KLHL29: variants seen among roughly 807,000 people sequenced by gnomAD.
The protein encoded by KLHL29 is kelch-like protein 29.
Under a neutral mutation model 80.4 loss-of-function variants are expected in KLHL29, and 21 were observed. The ratio of observed to expected loss-of-function variants is 0.26; its 90% CI spans 0.19 to 0.38. The LOEUF is 0.38. Ranked by LOEUF, KLHL29 falls within the 10% of genes least tolerant of loss-of-function variation. The probability of loss-of-function intolerance (pLI) is 1.00; values close to 1 mark genes in which losing one functional copy is unlikely to be tolerated. For synonymous variants in KLHL29, 511 were observed against 526.8 expected (o/e 0.97, Z 0.41); for missense variants, 867 against 1,223.9 (o/e 0.71, Z 4.35).
At chr2:23,447,143 T>G (rs902891618) in intron 1 of KLHL29, among the ~76,000 whole-genome samples, 1 of 152,250 alleles carries the variant, frequency 6.6e-6, no homozygotes, top group Non-Finnish European at 1.5e-5. Context: ...TGAACACATC[T>G]GCACCTTGAC....
At position 23,696,382 on chromosome 2, in the gene KLHL29, C is replaced by A; in HGVS notation, c.1974C>A (p.Ser658=). 6.4e-7 allele frequency: 1 copy of A among 1,551,628 alleles called. No homozygotes were observed. The highest frequency in any genetic ancestry group is 1.7e-4 in the Middle Eastern group (1 of 5,966). ...VTLADVWCYM[S]LLDNWNLVSR... The stretch of plus-strand genomic sequence containing the variant: ...TGGCTGATGTCTGGTGCTACATGTC[C>A]CTGCTTGATAACTGGAACCTCGTCT... Residue 658 remains serine, a synonymous_variant, in exon 11 of 14, where the codon TCC becomes TCA. Coordinates refer to ENST00000486442, the MANE Select transcript of KLHL29 (RefSeq NM_052920.2). The surrounding 1 kb of genome is among the most constrained non-coding windows in gnomAD (Gnocchi z 5.5).
At chr2:23,642,891 T>C in intron 5 of KLHL29, 41 bp downstream of exon 5, 3 of 1,548,768 alleles carry the variant, frequency 1.9e-6, no homozygotes, top group South Asian at 1.2e-5. Flanking sequence ...GGCCTGCGTC[T>C]GCACCTCCCT....
intron 3 of KLHL29, among the ~76,000 whole-genome samples, chr2:23,626,922 C>A (rs753084105): frequency 6.6e-6 from 1 of 152,152 alleles, no homozygotes; most frequent in Non-Finnish European, 1.5e-5. Context: ...TCTCCAAGGG[C>A]GGGCCAGGCC....
chr2:23,708,096 T>C lies in KLHL29; in HGVS notation c.*1432T>C, dbSNP rs1239484823. On this transcript the variant is annotated 3_prime_UTR_variant, in exon 14 of 14. Coordinates refer to ENST00000486442, the MANE Select transcript of KLHL29 (RefSeq NM_052920.2). ...TGCCATCGTTTCATGATAACAACCATTTATAAGAGAAAAAGACAGGACACG... is the reference window on the plus strand; with the variant it reads ...TGCCATCGTTTCATGATAACAACCACTTATAAGAGAAAAAGACAGGACACG... 1.3e-5 allele frequency: 2 copies of C among 152,202 alleles called. No homozygotes were observed. The highest frequency in any genetic ancestry group is 3.9e-4 in the East Asian group (2 of 5,192). The allele number at this position is 152,202 out of a possible 1,614,324, so 9.4% of individuals were successfully genotyped here. A position where few individuals can be genotyped will look rare whatever the true frequency, so the allele number is the denominator to read the frequency against.
chr2:23,569,188 G>C (rs7568390), intron 3 of KLHL29, among the ~76,000 whole-genome samples: 2 of 152,192 alleles, frequency 1.3e-5, no homozygotes, highest in African/African-American at 4.8e-5. Context: ...GGCCACCTTC[G>C]GGGACTTTGA....
intron 1 of KLHL29, among the ~76,000 whole-genome samples, chr2:23,441,332 G>C (rs1425031896): frequency 1.7e-5 from 1 of 57,622 alleles, no homozygotes; most frequent in Non-Finnish European, 3.6e-5. Flanking sequence ...ACTGTGGCGG[G>C]GTGGGGGGAG....
rs1665522289 is a variant in KLHL29 at position 23,503,862 on chromosome 2, C to G, written c.-46+28195C>G. Among the ~76,000 whole-genome samples, 1 of 152,242 alleles carries G rather than the reference C, an allele frequency of 6.6e-6. No homozygotes were observed. Among genetic ancestry groups the G allele is most frequent in the African/African-American group, 2.4e-5 (1 of 41,462 alleles). On this transcript the variant is annotated intron_variant, in intron 2 of 13. Transcript: ENST00000486442. The surrounding 1 kb of genome is among the most constrained non-coding windows in gnomAD (Gnocchi z 4.0). ...GTCTTTGTTTAAAGAGAGGCGGAGG[C>G]AGACCCCAGGCATTCAAATGATAGA...
intron 5 of KLHL29, among the ~76,000 whole-genome samples, chr2:23,670,563 C>A (rs1006781798): frequency 6.6e-6 from 1 of 152,164 alleles, no homozygotes; most frequent in East Asian, 1.9e-4. Flanking sequence ...GACTCCCTGA[C>A]TCTGTGCCAG....
intron 2 of KLHL29, among the ~76,000 whole-genome samples, chr2:23,543,344 G>A (rs1291662580): frequency 6.6e-6 from 1 of 152,150 alleles, no homozygotes; most frequent in Admixed American, 6.5e-5. Context: ...CAGCGCCGGC[G>A]ACCTCTGCCA....
At chr2:23,670,437 G>C (rs1206632546) in intron 5 of KLHL29, among the ~76,000 whole-genome samples, 1 of 152,098 alleles carries the variant, frequency 6.6e-6, no homozygotes, top group Non-Finnish European at 1.5e-5. Context: ...CACCGTGCCT[G>C]CTACACAGGG....
intron 1 of KLHL29, among the ~76,000 whole-genome samples, chr2:23,420,995 C>T (rs1415148225): frequency 6.6e-6 from 1 of 152,194 alleles, no homozygotes; most frequent in Non-Finnish European, 1.5e-5. Flanking sequence ...AGGCCAGGGG[C>T]TTTCATTAAC....
intron 2 of KLHL29, among the ~76,000 whole-genome samples, chr2:23,540,575 G>A (rs975657405): frequency 2.0e-5 from 3 of 152,168 alleles, no homozygotes; most frequent in African/African-American, 2.4e-5. Context: ...GCAGAACTTG[G>A]CACTTCTCTG....
intron 2 of KLHL29, among the ~76,000 whole-genome samples, chr2:23,484,959 G>A (rs1664889671): frequency 6.6e-6 from 1 of 152,140 alleles, no homozygotes; most frequent in African/African-American, 2.4e-5. Context: ...AAGAGCTCCA[G>A]GGCCGCCCCC....
At chr2:23,404,714 C>CA (rs1358229916) in intron 1 of KLHL29, among the ~76,000 whole-genome samples, 2 of 152,228 alleles carry the variant, frequency 1.3e-5, no homozygotes, top group African/African-American at 4.8e-5. Context: ...TTAATACGTC[C>CA]TGCCGAGCCT....
At chr2:23,438,641 T>G (rs939458821) in intron 1 of KLHL29, among the ~76,000 whole-genome samples, 2 of 149,456 alleles carry the variant, frequency 1.3e-5, no homozygotes, top group African/African-American at 5.0e-5. Flanking sequence ...TGAACCAGCC[T>G]TGCATCCCAG....
At chr2:23,645,752 C>G (rs758482581) in intron 5 of KLHL29, among the ~76,000 whole-genome samples, 5 of 152,158 alleles carry the variant, frequency 3.3e-5, no homozygotes, top group South Asian at 2.1e-4. Context: ...ATCTTCTGAT[C>G]GACTGAGCTC....
At chr2:23,656,981 C>A (rs1183031873) in intron 5 of KLHL29, among the ~76,000 whole-genome samples, 1 of 151,516 alleles carries the variant, frequency 6.6e-6, no homozygotes, top group Non-Finnish European at 1.5e-5. Context: ...CATGCACATT[C>A]CAGAAATCTT....
intron 1 of KLHL29, among the ~76,000 whole-genome samples, chr2:23,403,746 T>A (rs1666652816): frequency 6.6e-6 from 1 of 151,060 alleles, no homozygotes; most frequent in African/African-American, 2.5e-5. Context: ...TGTGTGTGTG[T>A]GTGTGTGTGT....
chr2:23,614,513 A>C (rs1668951917), intron 3 of KLHL29, among the ~76,000 whole-genome samples: 1 of 152,192 alleles, frequency 6.6e-6, no homozygotes, highest in African/African-American at 2.4e-5. Context: ...ACAGACAAAA[A>C]TAATAATAAT....
Sources: gnomAD v4.1 joint callset for allele counts (sites outside exome capture counted in the v4.1 genomes callset) on GRCh38, gnomAD v4.1.1 for gene constraint, Gnocchi (gnomAD v3.1) non-coding constraint, MANE v1.5 for transcripts, NCBI Gene and HGNC (gene_info 2026-07-23, HGNC 2026-07-21) for gene names.